C19orf38: variants seen among roughly 807,000 people sequenced by gnomAD.
C19orf38 encodes chromosome 19 open reading frame 38.
Under a neutral mutation model 26.6 loss-of-function variants are expected in C19orf38, and 14 were observed. The ratio of observed to expected loss-of-function variants is 0.53; its 90% CI spans 0.35 to 0.82. C19orf38 has a LOEUF of 0.82. Among genes scored for constraint, C19orf38 ranks in the 40% least tolerant of loss-of-function variants. C19orf38 has a pLI of 0.01. For missense variants in C19orf38, 261 were observed against 299.5 expected (o/e 0.87, Z 0.95); for synonymous variants, 132 against 128.5 (o/e 1.03, Z -0.18).
intron 4 of C19orf38, among the ~76,000 whole-genome samples, chr19:10,859,367 TATATATATATATATATA>T (rs1458005293): frequency 4.9e-4 from 29 of 59,616 alleles, no homozygotes; most frequent in African/African-American, 2.6e-3. Flanking sequence ...TATATATATA[TATATATATATATATATA>T]TTTTTTTTTT....
intron 6 of C19orf38, among the ~76,000 whole-genome samples, chr19:10,864,745 G>C (rs2073735757): frequency 6.6e-6 from 1 of 152,168 alleles, no homozygotes; most frequent in African/African-American, 2.4e-5. Context: ...TCAGATGCAG[G>C]TTAGGGGAGA....
chr19:10,838,584 G>T (rs568043304), intron 1 of C19orf38, among the ~76,000 whole-genome samples: 1 of 151,984 alleles, frequency 6.6e-6, no homozygotes, highest in Non-Finnish European at 1.5e-5. Context: ...AGTAACACCC[G>T]GGGTCGTTGT....
In C19orf38 at chr19:10,850,505, T is replaced by G; in HGVS notation, c.278T>G (p.Leu93Ter). ...GGPFHCQYGVLGELNQSQLSD... is the reference protein window; with the variant it reads ...GGPFHCQYGV ...CCCTTCCACTGCCAGTATGGAGTGT[T>G]AGGTGAGCTCAACCAGTCCCAGCTG... The change falls in exon 2 of 7, where the codon TTA becomes TGA. Residue 93 changes from leucine to a stop codon, truncating the protein, a stop_gained. Transcript: ENST00000397820. LOFTEE classifies it high-confidence loss of function. 1 of 1,551,574 alleles carries G rather than the reference T, an allele frequency of 6.4e-7. No individual in the cohort carries two copies. The highest frequency in any genetic ancestry group is 2.4e-5 in the East Asian group (1 of 40,916).
chr19:10,842,137 A>G (rs1172654953), intron 1 of C19orf38: 3 of 1,582,044 alleles, frequency 1.9e-6, no homozygotes, highest in Non-Finnish European at 2.6e-6. Flanking sequence ...TCATTCACTC[A>G]GGCCCAGATG....
upstream of C19orf38, among the ~76,000 whole-genome samples, chr19:10,848,109 C>T (rs148038030): frequency 0.017 from 2,538 of 152,112 alleles, 75 homozygotes; most frequent in African/African-American, 0.059. Flanking sequence ...GAGAATCACT[C>T]GAACCTGGGA....
rs1008715036 is a variant in C19orf38 at position 10,862,147 on chromosome 19, G to A, written c.506-1023G>A. Among the ~76,000 whole-genome samples the A allele has an allele frequency of 1.1e-4, 17 of 148,726 alleles. 1 individual carries two copies. The highest frequency in any genetic ancestry group is 4.0e-4 in the African/African-American group (16 of 40,120). The stretch of plus-strand genomic sequence containing the variant: ...GATCTCCTGACCTCGTGATCTGCCC[G>A]CCTCAGCCTCCTAAAGTGCTGGGAT... On this transcript the variant is annotated intron_variant, in intron 5 of 6. Coordinates refer to ENST00000397820, the MANE Select transcript of C19orf38 (RefSeq NM_001136482.3).
rs59713147 is a variant in C19orf38, at chr19:10,850,227, C to T, written c.32-32C>T. 1,882 of 1,517,540 alleles carry T rather than the reference C, an allele frequency of 1.2e-3. 37 individuals carry two copies. The East Asian group carries it at 0.032, about 26-fold the overall frequency. The allele number at this position is 1,517,540 out of a possible 1,614,324, so 94.0% of individuals were successfully genotyped here. A position where few individuals can be genotyped will look rare whatever the true frequency, so the allele number is the denominator to read the frequency against. ...GCCAGGGCAGCCTCCACTCTCACCA[C>T]GCACCCACCCACCTTACCCTCTGCA... On this transcript the variant is annotated intron_variant, in intron 1 of 6. Transcript: ENST00000397820.
At chr19:10,846,017 ATT>A (rs34717522), upstream of C19orf38, among the ~76,000 whole-genome samples, 9 of 143,586 alleles carry the variant, frequency 6.3e-5, no homozygotes, top group East Asian at 1.5e-3. Context: ...TGTCTCTACA[ATT>A]TTTTTTTTTT....
chr19:10,864,583 G>T (rs2073733564), intron 6 of C19orf38, among the ~76,000 whole-genome samples: 1 of 152,182 alleles, frequency 6.6e-6, no homozygotes, highest in Admixed American at 6.6e-5. Flanking sequence ...GTGCACACAG[G>T]CGCCCTCTGG....
rs2073736108 is a variant in C19orf38 at position 10,864,782 on chromosome 19, A to G, written c.543+1575A>G. On this transcript the variant is annotated intron_variant, in intron 6 of 6. Transcript: ENST00000397820. ...ATAGGGGAGAGAAAACACAGAGCTG[A>G]TTTTTGATGAGGGGGCCAAGGGAGA... Among the ~76,000 whole-genome samples, 6 of 152,262 alleles carry G rather than the reference A, an allele frequency of 3.9e-5. No individual in the cohort carries two copies. In the South Asian group the frequency reaches 1.2e-3, roughly 32 times the overall value.
chr19:10,858,440 T>G, intron 4 of C19orf38, 97 bp downstream of exon 4: 1 of 1,193,546 alleles, frequency 8.4e-7, no homozygotes, highest in Non-Finnish European at 1.2e-6. Flanking sequence ...AAACAGCGCC[T>G]CCTGGTGGGC....
chr19:10,859,831 T>C, intron 4 of C19orf38, 84 bp from the exon 5 acceptor site: 2 of 1,325,026 alleles, frequency 1.5e-6, no homozygotes, highest in Non-Finnish European at 2.1e-6. Flanking sequence ...TGGGTGTGGT[T>C]TGGGGCCAGG....
At chr19:10,862,128 C>T (rs995850548) in intron 5 of C19orf38, among the ~76,000 whole-genome samples, 8 of 151,074 alleles carry the variant, frequency 5.3e-5, no homozygotes, top group Non-Finnish European at 5.9e-5. Context: ...TCTCGATCTC[C>T]TGACCTCGTG....
chr19:10,848,576 T>A (rs1014265379), intron 1 of C19orf38, 37 bp downstream of exon 1: 1 of 1,265,940 alleles, frequency 7.9e-7, no homozygotes, highest in African/African-American at 1.6e-5. Flanking sequence ...CCCCCACGCC[T>A]TTCCCCCCAT....
chr19:10,859,348 GTATATATATA>G (rs1164393634), intron 4 of C19orf38, among the ~76,000 whole-genome samples: 12 of 55,944 alleles, frequency 2.1e-4, no homozygotes, highest in South Asian at 6.9e-4. Context: ...GTGTGTGTGT[GTATATATATA>G]TATATATATA....
chr19:10,848,894 TG>T (rs2073541590), intron 1 of C19orf38, among the ~76,000 whole-genome samples: 1 of 134,228 alleles, frequency 7.5e-6, no homozygotes, highest in East Asian at 2.2e-4. Context: ...CAGGGGTGGG[TG>T]GGGGTTGGAG....
At chr19:10,859,388 T>A (rs1181888620) in intron 4 of C19orf38, among the ~76,000 whole-genome samples, 30 of 89,126 alleles carry the variant, frequency 3.4e-4, no homozygotes, top group South Asian at 1.0e-3. Flanking sequence ...ATATATATTT[T>A]TTTTTTTTTT....
At chr19:10,849,666 G>A (rs1039970309) in intron 1 of C19orf38, among the ~76,000 whole-genome samples, 18 of 152,006 alleles carry the variant, frequency 1.2e-4, no homozygotes, top group African/African-American at 4.1e-4. Context: ...TCCAGCCTGG[G>A]CGACAAAGCA....
At chr19:10,860,466 C>T (rs893040772) in intron 5 of C19orf38, among the ~76,000 whole-genome samples, 16 of 128,260 alleles carry the variant, frequency 1.2e-4, no homozygotes, top group Admixed American at 7.6e-4. Flanking sequence ...ACCTGGGAGG[C>T]GGAGGTTGCA....
Sources: gnomAD v4.1 joint callset for allele counts (sites outside exome capture counted in the v4.1 genomes callset) on GRCh38, gnomAD v4.1.1 for gene constraint, MANE v1.5 for transcripts, NCBI Gene and HGNC (gene_info 2026-07-23, HGNC 2026-07-21) for gene names.